Variants in OPCML observed in about 807,000 individuals in gnomAD.
OPCML encodes opioid binding protein/cell adhesion molecule like.
OPCML carries 13 observed loss-of-function variants against 37.8 expected under a neutral mutation model. The ratio of observed to expected loss-of-function variants is 0.34; its 90% CI spans 0.22 to 0.55. The LOEUF is 0.55. OPCML is among the 20% of genes least tolerant of loss of function. The pLI is 0.91. For synonymous variants in OPCML, 176 were observed against 168.8 expected (o/e 1.04, Z -0.33); for missense variants, 341 against 435.6 (o/e 0.78, Z 1.93).
intron 1 of OPCML, among the ~76,000 whole-genome samples, chr11:133,119,278 A>G (rs936314517): frequency 3.9e-5 from 6 of 152,082 alleles, no homozygotes; most frequent in Non-Finnish European, 7.4e-5. Flanking sequence ...CAAATTATCT[A>G]TATCACTTAT....
chr11:133,369,846 T>C (rs1169800112), intron 1 of OPCML, among the ~76,000 whole-genome samples: 1 of 152,220 alleles, frequency 6.6e-6, no homozygotes. Context: ...AGGTTGGCTG[T>C]TCCTTACTGG....
rs138116625 is a variant in OPCML at position 133,458,431 on chromosome 11, T to A, written c.61+73833A>T. On this transcript the variant is annotated intron_variant, in intron 1 of 7. Coordinates refer to ENST00000524381, the MANE Select transcript of OPCML (RefSeq NM_001012393.5). ...ACACGTGTGTGTATATATATACACA[T>A]ATATACACGTGTGTGTATATATATA... 3.7e-3 allele frequency among the ~76,000 whole-genome samples: 249 copies of A among 66,574 alleles called. 40 individuals carry two copies. Among genetic ancestry groups the A allele is most frequent in the African/African-American group, 8.9e-3 (26 of 2,934 alleles). 43.7% of individuals were successfully genotyped at this position (66,574 alleles called of 152,430 possible).
chr11:133,175,250 T>C (rs917851469), intron 1 of OPCML, among the ~76,000 whole-genome samples: 2 of 152,118 alleles, frequency 1.3e-5, no homozygotes, highest in African/African-American at 2.4e-5. Flanking sequence ...TCAATTCAGA[T>C]GGAAGAGGCA....
intron 2 of OPCML, among the ~76,000 whole-genome samples, chr11:132,798,849 C>T (rs910041332): frequency 6.6e-6 from 1 of 152,190 alleles, no homozygotes; most frequent in East Asian, 1.9e-4. Context: ...ACATCTCCAT[C>T]AGAGCTCTTG....
intron 3 of OPCML, among the ~76,000 whole-genome samples, chr11:132,656,054 A>G (rs1238025275): frequency 6.6e-6 from 1 of 152,110 alleles, no homozygotes; most frequent in African/African-American, 2.4e-5. Context: ...GTGTTTCCTC[A>G]AGATATCTGC....
chr11:132,897,319 CAT>C (rs1943888802), intron 2 of OPCML, among the ~76,000 whole-genome samples: 3 of 152,154 alleles, frequency 2.0e-5, no homozygotes, highest in Admixed American at 2.0e-4. Flanking sequence ...AACGCTTGAC[CAT>C]GGGCCACCAA....
intron 2 of OPCML, among the ~76,000 whole-genome samples, chr11:132,769,243 GTT>G (rs547838851): frequency 6.9e-6 from 1 of 144,774 alleles, no homozygotes. Context: ...TTTGTTTGTT[GTT>G]TTTTTTTTTT....
At chr11:132,861,293 C>A (rs1342599427) in intron 2 of OPCML, among the ~76,000 whole-genome samples, 1 of 152,006 alleles carries the variant, frequency 6.6e-6, no homozygotes, top group Non-Finnish European at 1.5e-5. Flanking sequence ...CAAAGCTGGG[C>A]TTCTTCATTT....
At chr11:133,411,022 C>A (rs2136867222) in intron 1 of OPCML, among the ~76,000 whole-genome samples, 1 of 152,306 alleles carries the variant, frequency 6.6e-6, no homozygotes, top group South Asian at 2.1e-4. Context: ...CTTGGTTAGA[C>A]CTGTGGCTGG....
intron 1 of OPCML, among the ~76,000 whole-genome samples, chr11:133,495,351 C>T (rs370202538): frequency 6.6e-6 from 1 of 152,206 alleles, no homozygotes; most frequent in Non-Finnish European, 1.5e-5. Flanking sequence ...GTGAATTGCA[C>T]TGCTATAAAC....
chr11:133,236,534 G>C (rs1178930049), intron 1 of OPCML, among the ~76,000 whole-genome samples: 1 of 152,046 alleles, frequency 6.6e-6, no homozygotes, highest in Non-Finnish European at 1.5e-5. Flanking sequence ...GTCTAATTAG[G>C]AATAAATAGT....
At chr11:132,705,338 C>A (rs1353349009) in intron 2 of OPCML, among the ~76,000 whole-genome samples, 1 of 152,070 alleles carries the variant, frequency 6.6e-6, no homozygotes, top group African/African-American at 2.4e-5. Flanking sequence ...TGCCTGTCAT[C>A]TGGGCACTTT....
chr11:133,051,634 A>T (rs1384389829), intron 1 of OPCML, among the ~76,000 whole-genome samples: 1 of 152,168 alleles, frequency 6.6e-6, no homozygotes, highest in Non-Finnish European at 1.5e-5. Flanking sequence ...ATTGGGAAAG[A>T]AGGCATCATG....
intron 1 of OPCML, among the ~76,000 whole-genome samples, chr11:133,181,013 T>C (rs1937801031): frequency 6.6e-6 from 1 of 152,158 alleles, no homozygotes; most frequent in Non-Finnish European, 1.5e-5. Context: ...CCAAGCTAAA[T>C]CTCAAATAAA....
chr11:132,577,647 G>A (rs2096453869), intron 3 of OPCML, among the ~76,000 whole-genome samples: 1 of 152,156 alleles, frequency 6.6e-6, no homozygotes, highest in Non-Finnish European at 1.5e-5. Context: ...TGATCGCAAG[G>A]AGAAGAATCA....
chr11:133,178,208 C>A lies in OPCML; in HGVS notation c.62-235198G>T, dbSNP rs192306818. Among the ~76,000 whole-genome samples, 108 of 152,166 alleles carry A rather than the reference C, an allele frequency of 7.1e-4. 1 individual carries two copies. The highest frequency in any genetic ancestry group is 2.6e-3 in the African/African-American group (106 of 41,516). On this transcript the variant is annotated intron_variant, in intron 1 of 7. Transcript: ENST00000524381. ...AAAATGGGAATCACAGCCTGGATGA[C>A]AAAGAGGTGTTAGAAACTGATTTTT...
At chr11:133,446,757 C>T (rs1591509988) in intron 1 of OPCML, among the ~76,000 whole-genome samples, 6 of 152,158 alleles carry the variant, frequency 3.9e-5, no homozygotes, top group East Asian at 3.9e-4. Context: ...TATAGATTTG[C>T]CTTTTCTGGA....
At chr11:132,818,890 C>A (rs1405479790) in intron 2 of OPCML, among the ~76,000 whole-genome samples, 3 of 148,880 alleles carry the variant, frequency 2.0e-5, no homozygotes, top group Non-Finnish European at 4.4e-5. Context: ...AACAAACCTG[C>A]ATGTTGTGCA....
intron 2 of OPCML, among the ~76,000 whole-genome samples, chr11:132,896,945 G>A (rs1943873948): frequency 6.6e-6 from 1 of 152,194 alleles, no homozygotes; most frequent in Non-Finnish European, 1.5e-5. Context: ...GAGATACCAT[G>A]CCTAGTGGGC....
Sources: gnomAD v4.1 joint callset for allele counts (sites outside exome capture counted in the v4.1 genomes callset) on GRCh38, gnomAD v4.1.1 for gene constraint, MANE v1.5 for transcripts, NCBI Gene and HGNC (gene_info 2026-07-23, HGNC 2026-07-21) for gene names.